The following PARD3 variants were observed in gnomAD, a reference collection of about 807,000 sequenced individuals.
PARD3 encodes partitioning defective 3 homolog.
Under a neutral mutation model 155.4 loss-of-function variants are expected in PARD3, and 75 were observed. That is an observed-to-expected ratio of 0.48 (90% CI 0.40 to 0.58). The LOEUF (loss-of-function observed/expected upper bound fraction) is 0.58, where lower values mean the gene tolerates loss of function less well. Ranked by LOEUF, PARD3 falls within the 20% of genes least tolerant of loss-of-function variation. The pLI, the probability that PARD3 is intolerant of heterozygous loss-of-function variation, is 0.00. For missense variants in PARD3, 1,642 were observed against 1,721.7 expected (o/e 0.95, Z 0.82); for synonymous variants, 576 against 610.5 (o/e 0.94, Z 0.83).
intron 2 of PARD3, among the ~76,000 whole-genome samples, chr10:34,634,452 T>C (rs1047170230): frequency 8.5e-5 from 13 of 152,184 alleles, no homozygotes; most frequent in African/African-American, 3.1e-4. Context: ...TCAGGACATT[T>C]TTATTTATTT....
chr10:34,405,479 A>G (rs1312310788), intron 5 of PARD3, among the ~76,000 whole-genome samples: 1 of 152,218 alleles, frequency 6.6e-6, no homozygotes, highest in Admixed American at 6.5e-5. Context: ...TATATACAAA[A>G]TATTTTCAAT....
chr10:34,145,217 A>ATTTTTT (rs1387505653), intron 22 of PARD3, among the ~76,000 whole-genome samples: 168 of 57,876 alleles, frequency 2.9e-3, no homozygotes, highest in Non-Finnish European at 4.0e-3. Context: ...ATATATATAT[A>ATTTTTT]TATATTTTTT....
chr10:34,436,372 A>G (rs1589567947), intron 5 of PARD3, among the ~76,000 whole-genome samples: 1 of 152,214 alleles, frequency 6.6e-6, no homozygotes, highest in Non-Finnish European at 1.5e-5. Flanking sequence ...TCTGCTTTAG[A>G]GAATGTGTAA....
intron 1 of PARD3, among the ~76,000 whole-genome samples, chr10:34,708,966 A>C (rs964283476): frequency 6.6e-6 from 1 of 152,186 alleles, no homozygotes; most frequent in Non-Finnish European, 1.5e-5. Context: ...TGTGTTCTGA[A>C]GTATTTAAAG....
chr10:34,468,535 A>G (rs1478831242), intron 4 of PARD3, among the ~76,000 whole-genome samples: 1 of 152,212 alleles, frequency 6.6e-6, no homozygotes, highest in East Asian at 1.9e-4. Flanking sequence ...GATAAACTGG[A>G]TTCTGCTTCT....
At chr10:34,297,412 TA>T (rs1465481554) in intron 20 of PARD3, among the ~76,000 whole-genome samples, 6 of 152,192 alleles carry the variant, frequency 3.9e-5, no homozygotes, top group Admixed American at 2.0e-4. Context: ...AACTACTGTA[TA>T]AAAAATAGTA....
intron 2 of PARD3, among the ~76,000 whole-genome samples, chr10:34,536,262 A>C (rs1032825174): frequency 1.3e-5 from 2 of 152,254 alleles, no homozygotes; most frequent in Admixed American, 1.3e-4. Context: ...ATGCATATAA[A>C]AAGTACTTAA....
intron 2 of PARD3, among the ~76,000 whole-genome samples, chr10:34,588,404 A>C (rs1305556007): frequency 6.6e-6 from 1 of 152,202 alleles, no homozygotes; most frequent in Admixed American, 6.5e-5. Context: ...TGGTGACCCC[A>C]AATATTTAAA....
chr10:34,460,778 A>G (rs1231960309), intron 4 of PARD3, among the ~76,000 whole-genome samples: 4 of 152,130 alleles, frequency 2.6e-5, no homozygotes, highest in African/African-American at 9.7e-5. Context: ...GCTTGCAGTG[A>G]GCCAAGATCA....
intron 20 of PARD3, among the ~76,000 whole-genome samples, chr10:34,309,764 C>T (rs954954804): frequency 7.9e-6 from 1 of 126,928 alleles, no homozygotes; most frequent in Non-Finnish European, 1.6e-5. Context: ...CCCCGCCCCC[C>T]CAAGAAGAAA....
chr10:34,295,387 T>C (rs1157601745), intron 20 of PARD3, among the ~76,000 whole-genome samples: 1 of 152,172 alleles, frequency 6.6e-6, no homozygotes, highest in South Asian at 2.1e-4. Context: ...AACTTGTTGA[T>C]TTGTGCACTG....
chr10:34,502,425 G>T (rs1006760934), intron 3 of PARD3, among the ~76,000 whole-genome samples: 1 of 152,224 alleles, frequency 6.6e-6, no homozygotes, highest in South Asian at 2.1e-4. Context: ...AGAGCCTCCC[G>T]CAGGAAGGCA....
intron 24 of PARD3, among the ~76,000 whole-genome samples, chr10:34,113,577 GTAT>G (rs1453520729): frequency 2.6e-5 from 4 of 151,926 alleles, no homozygotes; most frequent in Non-Finnish European, 2.9e-5. Flanking sequence ...GAAGTTAGCA[GTAT>G]CTATATGCTC....
intron 1 of PARD3, among the ~76,000 whole-genome samples, chr10:34,783,806 G>C (rs189921931): frequency 3.9e-5 from 6 of 152,124 alleles, no homozygotes; most frequent in African/African-American, 1.4e-4. Context: ...AAATCACTTA[G>C]TGCATTTTTT....
chr10:34,173,856 G>A (rs1949913608), intron 22 of PARD3, among the ~76,000 whole-genome samples: 1 of 152,092 alleles, frequency 6.6e-6, no homozygotes, highest in South Asian at 2.1e-4. Flanking sequence ...CAAGGCAAAT[G>A]AAGAAGTTTA....
intron 2 of PARD3, among the ~76,000 whole-genome samples, chr10:34,578,561 A>AT (rs774109722): frequency 5.9e-5 from 9 of 152,230 alleles, no homozygotes; most frequent in Non-Finnish European, 8.8e-5. Context: ...ATTTCCACAC[A>AT]TTAGCTCATT....
rs558919860 is a variant in PARD3 at position 34,658,962 on chromosome 10, A to T, written c.222+37356T>A. On this transcript the variant is annotated intron_variant, in intron 2 of 24. Transcript: ENST00000374788. Reference sequence around the variant, plus strand: ...TGTGCATGTCACAGAAGACATGCTAAATTTATATATATTATTTTCAAAGTG... The same window carrying T: ...TGTGCATGTCACAGAAGACATGCTATATTTATATATATTATTTTCAAAGTG... 2.0e-5 allele frequency among the ~76,000 whole-genome samples: 3 copies of T among 152,350 alleles called. No individual in the cohort carries two copies. The South Asian group carries it at 6.2e-4, about 32-fold the overall frequency.
chr10:34,804,577 T>C (rs1843144172), intron 1 of PARD3, among the ~76,000 whole-genome samples: 1 of 152,262 alleles, frequency 6.6e-6, no homozygotes, highest in Non-Finnish European at 1.5e-5. Flanking sequence ...CTAACCATTA[T>C]TCACATATGG....
rs2078266193 is a variant in PARD3, at chr10:34,470,268, A to G, written c.404-5T>C. ...GTCGAACATGAAGAGGCATATCTGT[A>G]AACACAAAAGCACTATGCTGAAAAA... is the stretch of plus-strand genomic sequence containing the variant. On this transcript the variant is annotated splice_polypyrimidine_tract_variant and splice_region_variant and intron_variant, in intron 3 of 24. Transcript: ENST00000374788. The G allele has an allele frequency of 6.3e-7, 1 of 1,578,914 alleles. No homozygotes were observed. The highest frequency in any genetic ancestry group is 1.4e-5 in the African/African-American group (1 of 73,790).
Sources: gnomAD v4.1 joint callset for allele counts (sites outside exome capture counted in the v4.1 genomes callset) on GRCh38, gnomAD v4.1.1 for gene constraint, MANE v1.5 for transcripts, NCBI Gene and HGNC (gene_info 2026-07-23, HGNC 2026-07-21) for gene names.